The following RPL7A variants were observed in gnomAD, a reference collection of about 807,000 sequenced individuals.
RPL7A encodes ribosomal protein L7a, also known as large ribosomal subunit protein eL8.
For missense variants in RPL7A, 291 were observed against 338.2 expected, an observed-to-expected ratio of 0.86 and a Z score of 1.09; for synonymous variants, 158 against 128.2, an observed-to-expected ratio of 1.23 and a Z score of -1.57.
chr9:133,348,687 G>A (rs2129979848), intron 1 of RPL7A: 1 of 716,900 alleles, frequency 1.4e-6, no homozygotes, highest in East Asian at 2.8e-5. Context: ...AGAGAGCGTG[G>A]TCTCGGGCTT....
At chr9:133,348,726 G>A (rs1010165047) in intron 1 of RPL7A, 196 bp from the exon 2 acceptor site, 15 of 844,388 alleles carry the variant, frequency 1.8e-5, no homozygotes, top group South Asian at 1.0e-4. Context: ...CGGGGTTCCC[G>A]GGGCTGCATG....
intron 2 of RPL7A, 45 bp from the exon 3 acceptor site, chr9:133,349,506 G>C: frequency 6.2e-7 from 1 of 1,613,786 alleles, no homozygotes; most frequent in African/African-American, 1.3e-5. Flanking sequence ...ACATGAACTT[G>C]ACATGGAATT....
chr9:133,349,461 C>T (rs2129986256), intron 2 of RPL7A, 90 bp from the exon 3 acceptor site: 15 of 1,492,462 alleles, frequency 1.0e-5, no homozygotes, highest in Non-Finnish European at 1.4e-5. Flanking sequence ...CCACCAAGAT[C>T]GCTGATGCAC....
chr9:133,350,593 C>T lies in RPL7A; in HGVS notation c.496-4C>T, dbSNP rs1466730778. ...TACAGTCTTCAGCTAATGCTTTCTT[C>T]CAGCTGGTTGTCTTCTTGCCTGCCC... On this transcript the variant is annotated splice_polypyrimidine_tract_variant and splice_region_variant and intron_variant, in intron 5 of 7. Coordinates refer to ENST00000323345, the MANE Select transcript of RPL7A (RefSeq NM_000972.3). 3 of 1,613,984 alleles carry T rather than the reference C, an allele frequency of 1.9e-6. No homozygotes were observed. Among genetic ancestry groups the T allele is most frequent in the East Asian group, 4.5e-5 (2 of 44,870 alleles).
In RPL7A at chr9:133,348,266, G is replaced by C. The variant is rs2129977466; in HGVS notation, c.3+20G>C. The stretch of plus-strand genomic sequence containing the variant: ...AAGATGGTGAGTGAGCTGTAGTTCC[G>C]TGGCACTATAGCCAGGTTCCGGCTG... On this transcript the variant is annotated intron_variant, in intron 1 of 7. Transcript: ENST00000323345. The C allele has an allele frequency of 1.2e-6, 2 of 1,614,014 alleles. No individual in the cohort carries two copies. The highest frequency in any genetic ancestry group is 8.5e-7 in the Non-Finnish European group (1 of 1,179,970).
rs2129995329 is a variant in RPL7A, at chr9:133,350,685, A to G, written c.584A>G (p.His195Arg). Residue 195 changes from histidine to arginine, a missense_variant, in exon 6 of 8, where the codon CAC becomes CGC. His to Arg is a conservative substitution (Grantham distance 29). Coordinates refer to ENST00000323345, the MANE Select transcript of RPL7A (RefSeq NM_000972.3). ...AAGGCAAGACTGGGACGTCTAGTCC[A>G]CAGGAAGACCTGCACCACTGTCGCC... Reference protein sequence around the residue: ...KGKARLGRLVHRKTCTTVAFT... With the variant: ...KGKARLGRLVRRKTCTTVAFT... 2 of 1,614,068 alleles carry G rather than the reference A, an allele frequency of 1.2e-6. No individual in the cohort carries two copies. Among genetic ancestry groups the G allele is most frequent in the African/African-American group, 1.3e-5 (1 of 74,942 alleles).
chr9:133,350,435 GA>G (rs2129993479), intron 5 of RPL7A, 116 bp downstream of exon 5: 1 of 1,493,570 alleles, frequency 6.7e-7, no homozygotes, highest in African/African-American at 1.4e-5. Flanking sequence ...TACTGACACA[GA>G]TCCAACACAT....
At chr9:133,348,684 G>T in intron 1 of RPL7A, 1 of 711,064 alleles carries the variant, frequency 1.4e-6, no homozygotes, top group Non-Finnish European at 2.6e-6. Flanking sequence ...CGAAGAGAGC[G>T]TGGTCTCGGG....
At chr9:133,348,372 G>C in intron 1 of RPL7A, 126 bp downstream of exon 1, 4 of 1,337,774 alleles carry the variant, frequency 3.0e-6, no homozygotes, top group East Asian at 2.3e-5. Flanking sequence ...CACTCGGTGT[G>C]GCACGGAGAC....
At chr9:133,349,354 G>A (rs1171623093) in intron 2 of RPL7A, 197 bp from the exon 3 acceptor site, 1 of 879,064 alleles carries the variant, frequency 1.1e-6, no homozygotes, top group African/African-American at 1.6e-5. Flanking sequence ...CTTCTTGTTA[G>A]ATGAGGAAAA....
At chr9:133,349,274 A>T in intron 2 of RPL7A, 1 of 745,092 alleles carries the variant, frequency 1.3e-6, no homozygotes, top group South Asian at 1.5e-5. Context: ...GCCATCTGGA[A>T]ACAAGTACAG....
chr9:133,350,355 C>T (rs1274955453), intron 5 of RPL7A, 36 bp downstream of exon 5: 4 of 1,607,722 alleles, frequency 2.5e-6, no homozygotes, highest in Non-Finnish European at 3.4e-6. Flanking sequence ...CCAAGGGCTT[C>T]TGGCAGTACC....
chr9:133,349,530 G>C (rs2129987002), intron 2 of RPL7A, 21 bp from the exon 3 acceptor site: 24 of 1,613,888 alleles, frequency 1.5e-5, no homozygotes, highest in Non-Finnish European at 1.7e-6. Context: ...GCCTCACTCG[G>C]TGTCACCCTT....
Position 133,348,522 on chromosome 9 carries a change from G to A in RPL7A, c.3+276G>A, listed in dbSNP as rs2129979082. On this transcript the variant is annotated intron_variant, in intron 1 of 7. Transcript: ENST00000323345. ...CAGGCCTGGAGCACCGCAGTGCGGG[G>A]CTCGGAGCCCTAGCGTCTCTCGGGC... 7.2e-4 allele frequency: 434 copies of A among 603,724 alleles called. 1 individual carries two copies. The highest frequency in any genetic ancestry group is 6.9e-3 in the African/African-American group (370 of 53,988). 37.4% of individuals were successfully genotyped at this position (603,724 alleles called of 1,614,324 possible). A position where few individuals can be genotyped will look rare whatever the true frequency, so the allele number is the denominator to read the frequency against.
chr9:133,349,099 A>G, intron 2 of RPL7A, 57 bp downstream of exon 2: 1 of 1,599,900 alleles, frequency 6.3e-7, no homozygotes, highest in East Asian at 2.2e-5. Context: ...GGAAGGTGGT[A>G]ATTGGGTTGT....
rs1259781752 is a variant in RPL7A, at chr9:133,351,016, C to T, written c.641C>T (p.Ala214Val). 1 of 1,614,004 alleles carries T rather than the reference C, an allele frequency of 6.2e-7. No homozygotes were observed. Among genetic ancestry groups the T allele is most frequent in the African/African-American group, 1.3e-5 (1 of 74,924 alleles). Reference sequence around the variant, plus strand: ...CTGCCTTTTAGGGAAGACAAAGGCGCTTTGGCTAAGCTGGTGGAAGCTATC... The same window carrying T: ...CTGCCTTTTAGGGAAGACAAAGGCGTTTTGGCTAAGCTGGTGGAAGCTATC... ...FTQVNSEDKGALAKLVEAIRT... is the reference protein window; with the variant it reads ...FTQVNSEDKGVLAKLVEAIRT... Residue 214 changes from alanine (A) to valine (V), a missense_variant, in exon 7 of 8, where the codon GCT becomes GTT. Ala to Val is a moderately conservative substitution (Grantham distance 64, BLOSUM62 0). Transcript: ENST00000323345.
intron 6 of RPL7A, 131 bp downstream of exon 6, chr9:133,350,858 G>A (rs2129996607): frequency 1.3e-6 from 2 of 1,528,438 alleles, no homozygotes; most frequent in Admixed American, 1.7e-5. Context: ...GCCAATGATG[G>A]TTAAGAATTT....
In RPL7A at chr9:133,348,950, A is replaced by T. The variant is rs1836299319; in HGVS notation, c.32A>T (p.Lys11Met). The change falls in exon 2 of 8, where the codon AAG (lysine) becomes ATG (methionine). Residue 11 changes from lysine (K) to methionine (M), a missense_variant. Lys to Met is a moderately conservative substitution (Grantham distance 95). Transcript: ENST00000323345. MPKGKKAKGK[K>M]VAPAPAVVKK... ...AAAGGAAAGAAGGCCAAGGGAAAGA[A>T]GGTGGCTCCGGCCCCAGCTGTCGTG... 1.9e-6 allele frequency: 3 copies of T among 1,613,988 alleles called. No individual in the cohort carries two copies. Among genetic ancestry groups the T allele is most frequent in the Non-Finnish European group, 2.5e-6 (3 of 1,179,996 alleles).
At chr9:133,348,537 GTC>G (rs1408910257) in intron 1 of RPL7A, 14 of 599,106 alleles carry the variant, frequency 2.3e-5, no homozygotes, top group East Asian at 2.2e-4. Context: ...GAGCCCTAGC[GTC>G]TCTCGGGCTT....
Sources: allele counts gnomAD v4.1 joint callset, GRCh38; gene constraint gnomAD v4.1.1; transcripts MANE v1.5; gene names NCBI Gene and HGNC (gene_info 2026-07-23, HGNC 2026-07-21).